The following IMPA2 variants were observed in gnomAD, a reference collection of about 807,000 sequenced individuals.
IMPA2 encodes the protein inositol monophosphatase 2, also known as IMP 2.
Under a neutral mutation model 35.1 loss-of-function variants are expected in IMPA2, and 32 were observed. That is an observed-to-expected ratio of 0.91 (90% CI 0.69 to 1.23). IMPA2 has a LOEUF of 1.23. Among genes scored for constraint, IMPA2 ranks in the 50% most tolerant of loss-of-function variants. IMPA2 has a pLI of 0.00. For synonymous variants in IMPA2, 135 were observed against 160.6 expected (o/e 0.84, Z 1.20); for missense variants, 334 against 387.6 (o/e 0.86, Z 1.16).
chr18:12,018,042 A>C (rs1272915590), intron 5 of IMPA2: 3 of 156,286 alleles, frequency 1.9e-5, no homozygotes, highest in Non-Finnish European at 4.2e-5. Flanking sequence ...CCCTGGTTCA[A>C]GTGATTTTCC....
intron 2 of IMPA2, 141 bp from the exon 3 acceptor site, chr18:12,009,742 T>C: frequency 1.5e-6 from 1 of 689,046 alleles, no homozygotes; most frequent in South Asian, 1.7e-5. Flanking sequence ...GTTTAAAGAC[T>C]CTGCCTCTGT....
intron 5 of IMPA2, among the ~76,000 whole-genome samples, chr18:12,023,681 G>T (rs1907798391): frequency 6.6e-6 from 1 of 152,190 alleles, no homozygotes; most frequent in South Asian, 2.1e-4. Flanking sequence ...CAGCTTCCTA[G>T]TTCCTGGGGA....
At chr18:12,001,357 T>G (rs1194514031) in intron 2 of IMPA2, among the ~76,000 whole-genome samples, 2 of 152,246 alleles carry the variant, frequency 1.3e-5, no homozygotes, top group East Asian at 3.9e-4. Context: ...TTAACCATAT[T>G]GGCCTAGAGG....
chr18:12,015,082 C>G (rs1907541271), intron 5 of IMPA2, among the ~76,000 whole-genome samples: 1 of 152,158 alleles, frequency 6.6e-6, no homozygotes, highest in Admixed American at 6.5e-5. Flanking sequence ...AGAAGAATGC[C>G]AGACAAATGA....
At chr18:12,012,053 A>C in intron 3 of IMPA2, 117 bp from the exon 4 acceptor site, 1 of 821,420 alleles carries the variant, frequency 1.2e-6, no homozygotes, top group Non-Finnish European at 2.0e-6. Context: ...TTAAACAACC[A>C]ACCCACCCAG....
chr18:11,986,196 C>G (rs567370160), intron 1 of IMPA2, among the ~76,000 whole-genome samples: 5 of 152,326 alleles, frequency 3.3e-5, no homozygotes, highest in African/African-American at 1.2e-4. Flanking sequence ...TTATGCTTCC[C>G]GAGGCCCGGC....
intron 1 of IMPA2, among the ~76,000 whole-genome samples, chr18:11,989,782 G>C (rs575498251): frequency 2.0e-5 from 3 of 152,260 alleles, no homozygotes; most frequent in East Asian, 1.9e-4. Flanking sequence ...CCTGGACTCT[G>C]TGGCCCTGAG....
intron 5 of IMPA2, among the ~76,000 whole-genome samples, chr18:12,026,280 G>A (rs918260293): frequency 9.9e-5 from 15 of 152,072 alleles, no homozygotes; most frequent in Admixed American, 8.5e-4. Context: ...TGATCTGCCC[G>A]CCTCAGCCTC....
intron 5 of IMPA2, among the ~76,000 whole-genome samples, chr18:12,025,175 A>G (rs1907846470): frequency 1.3e-5 from 2 of 152,152 alleles, no homozygotes; most frequent in African/African-American, 4.8e-5. Context: ...AGCAATATGC[A>G]TTTAAGGTTC....
intron 2 of IMPA2, among the ~76,000 whole-genome samples, chr18:12,004,074 G>C (rs576219448): frequency 6.6e-6 from 1 of 152,336 alleles, no homozygotes; most frequent in Admixed American, 6.5e-5. Context: ...CGTGAGTCAA[G>C]CAAAACATCA....
chr18:12,000,552 C>A (rs1480409683), intron 2 of IMPA2, among the ~76,000 whole-genome samples: 1 of 151,250 alleles, frequency 6.6e-6, no homozygotes, highest in African/African-American at 2.4e-5. Context: ...TATTTCCCTA[C>A]TCTGCTTGAG....
intron 2 of IMPA2, among the ~76,000 whole-genome samples, chr18:12,006,121 A>G (rs1450540970): frequency 6.6e-6 from 1 of 152,228 alleles, no homozygotes; most frequent in Non-Finnish European, 1.5e-5. Context: ...GGAAAAACAG[A>G]TTTAGTGCCT....
At chr18:12,006,629 C>T (rs575266333) in intron 2 of IMPA2, among the ~76,000 whole-genome samples, 18 of 152,236 alleles carry the variant, frequency 1.2e-4, no homozygotes, top group Middle Eastern at 3.4e-3. Flanking sequence ...TCCAGGGGGC[C>T]GGGGAGGAGG....
At chr18:12,029,866 C>T (rs111993286) in intron 7 of IMPA2, among the ~76,000 whole-genome samples, 202 of 152,308 alleles carry the variant, frequency 1.3e-3, no homozygotes, top group African/African-American at 4.4e-3. Context: ...TCATCTTGCC[C>T]GAGCTTCTTC....
In IMPA2 at chr18:12,028,744, G is replaced by A. The variant is rs527804568; in HGVS notation, c.600-98G>A. 2.0e-5 allele frequency: 27 copies of A among 1,377,324 alleles called. No homozygotes were observed. In the Admixed American group the frequency reaches 2.1e-4, roughly 11 times the overall value. The allele number at this position is 1,377,324 out of a possible 1,614,324, so 85.3% of individuals were successfully genotyped here. A position where few individuals can be genotyped will look rare whatever the true frequency, so the allele number is the denominator to read the frequency against. Reference sequence around the variant, plus strand: ...AGTGCTGTGCTTCATTTTTCACTAGGGAAAATGCCCAGCCGGGGTACCTGG... The same window carrying A: ...AGTGCTGTGCTTCATTTTTCACTAGAGAAAATGCCCAGCCGGGGTACCTGG... On this transcript the variant is annotated intron_variant, in intron 6 of 7. Transcript: ENST00000269159.
chr18:11,982,016 T>TGACCG (rs1906515314), intron 1 of IMPA2, among the ~76,000 whole-genome samples: 1 of 152,222 alleles, frequency 6.6e-6, no homozygotes, highest in African/African-American at 2.4e-5. Context: ...TAACGTGACC[T>TGACCG]TTGCGTTTGA....
In IMPA2 at chr18:11,981,709, G is replaced by T. The variant is rs917209656; in HGVS notation, c.40G>T (p.Gly14Cys). Residue 14 changes from glycine to cysteine, a missense_variant, in exon 1 of 8, where the codon GGC becomes TGC. Physicochemically the swap from Gly to Cys is radical, Grantham distance 159. Transcript: ENST00000269159. ...SGEDQAALAA[G>C]PWEECFQAAV... Reference sequence around the variant, plus strand: ...CGAGGACCAGGCGGCGCTGGCGGCCGGCCCCTGGGAGGAGTGCTTCCAGGC... The same window carrying T: ...CGAGGACCAGGCGGCGCTGGCGGCCTGCCCCTGGGAGGAGTGCTTCCAGGC... 24 of 1,230,420 alleles carry T rather than the reference G, an allele frequency of 2.0e-5. No homozygotes were observed. In the African/African-American group the frequency reaches 3.6e-4, roughly 18 times the overall value. 76.2% of individuals were successfully genotyped at this position (1,230,420 alleles called of 1,614,324 possible).
intron 1 of IMPA2, among the ~76,000 whole-genome samples, chr18:11,985,836 A>C (rs966825631): frequency 2.6e-5 from 4 of 152,270 alleles, no homozygotes; most frequent in Admixed American, 1.3e-4. Context: ...TAGTTCATCT[A>C]CTCAGCTTAT....
intron 2 of IMPA2, among the ~76,000 whole-genome samples, chr18:12,002,485 TC>T (rs1432790671): frequency 6.6e-6 from 1 of 152,112 alleles, no homozygotes; most frequent in Non-Finnish European, 1.5e-5. Context: ...GGTTTAAACT[TC>T]CTTCTGGTGG....
Sources: gnomAD v4.1 joint callset for allele counts (sites outside exome capture counted in the v4.1 genomes callset) on GRCh38, gnomAD v4.1.1 for gene constraint, MANE v1.5 for transcripts, NCBI Gene and HGNC (gene_info 2026-07-23, HGNC 2026-07-21) for gene names.